Variants in AOAH observed in about 807,000 individuals in gnomAD.
AOAH encodes acyloxyacyl hydrolase (neutrophil).
A neutral mutation model predicts 92.2 loss-of-function variants in AOAH; 64 were observed. That is an observed-to-expected ratio of 0.69 (90% CI 0.57 to 0.86). The LOEUF (loss-of-function observed/expected upper bound fraction) is 0.86. Among genes scored for constraint, AOAH ranks in the 40% least tolerant of loss-of-function variants. The pLI is 0.00. For synonymous variants in AOAH, 263 were observed against 254.5 expected, an observed-to-expected ratio of 1.03 and a Z score of -0.32; for missense variants, 656 against 694.6, an observed-to-expected ratio of 0.94 and a Z score of 0.62.
intron 11 of AOAH, among the ~76,000 whole-genome samples, chr7:36,613,177 C>T (rs1262231556): frequency 2.6e-5 from 4 of 152,168 alleles, no homozygotes; most frequent in Non-Finnish European, 4.4e-5. Context: ...CATGTGAGAA[C>T]AATAGCTTGC....
At chr7:36,684,613 C>T (rs757148226) in intron 2 of AOAH, among the ~76,000 whole-genome samples, 28 of 151,910 alleles carry the variant, frequency 1.8e-4, no homozygotes, top group African/African-American at 3.9e-4. Flanking sequence ...TCGACAGCTG[C>T]GACCATCACC....
intron 3 of AOAH, among the ~76,000 whole-genome samples, chr7:36,659,517 C>G (rs1298233129): frequency 1.3e-5 from 2 of 152,166 alleles, no homozygotes; most frequent in Non-Finnish European, 2.9e-5. Context: ...TGCCAGTCAG[C>G]CTCTCACGCG....
intron 19 of AOAH, among the ~76,000 whole-genome samples, chr7:36,524,048 G>A (rs1784256063): frequency 6.6e-6 from 1 of 151,948 alleles, no homozygotes; most frequent in Non-Finnish European, 1.5e-5. Flanking sequence ...CATCCCCTCC[G>A]TGACTTCAGA....
intron 4 of AOAH, among the ~76,000 whole-genome samples, chr7:36,654,440 C>G (rs546494529): frequency 6.6e-6 from 1 of 152,224 alleles, no homozygotes; most frequent in South Asian, 2.1e-4. Flanking sequence ...TCCACAGGAC[C>G]GGCAAGAAGT....
chr7:36,580,238 T>G (rs1287260235), intron 12 of AOAH, among the ~76,000 whole-genome samples: 1 of 152,230 alleles, frequency 6.6e-6, no homozygotes, highest in East Asian at 1.9e-4. Flanking sequence ...ACCGGTCTTG[T>G]AATTTTCCCT....
intron 2 of AOAH, among the ~76,000 whole-genome samples, chr7:36,676,117 A>G (rs1562685421): frequency 1.3e-5 from 2 of 152,196 alleles, no homozygotes; most frequent in Non-Finnish European, 2.9e-5. Context: ...TCTAGCCAGG[A>G]GAATGAGGCA....
At chr7:36,628,142 G>A (rs534239272) in intron 6 of AOAH, among the ~76,000 whole-genome samples, 12 of 152,282 alleles carry the variant, frequency 7.9e-5, no homozygotes, top group Admixed American at 5.9e-4. Context: ...AAGTAGCAGG[G>A]TATGGGGAAG....
chr7:36,517,156 G>GTCTTTTTCTTTCTTTCTTTCTTTCTT (rs1554360833), intron 20 of AOAH, among the ~76,000 whole-genome samples: 10 of 95,500 alleles, frequency 1.0e-4, no homozygotes, highest in Admixed American at 7.8e-4. Flanking sequence ...ATCCATGTTA[G>GTCTTTTTCTTTCTTTCTTTCTTTCTT]TCTTTCTTTC....
chr7:36,548,464 G>C (rs1785950620), intron 15 of AOAH, 148 bp downstream of exon 15: 1 of 606,908 alleles, frequency 1.6e-6, no homozygotes, highest in Non-Finnish European at 2.9e-6. Flanking sequence ...GGGATTATAG[G>C]TGTGAGCCCC....
chr7:36,567,717 G>A (rs1250435734), intron 13 of AOAH, among the ~76,000 whole-genome samples: 1 of 152,162 alleles, frequency 6.6e-6, no homozygotes, highest in Non-Finnish European at 1.5e-5. Flanking sequence ...TTGGAGTAAG[G>A]CCCGAATAGT....
intron 1 of AOAH, among the ~76,000 whole-genome samples, chr7:36,716,970 TAATAAATA>T (rs200867596): frequency 0.3 from 43,226 of 142,622 alleles, 6,754 homozygotes; most frequent in East Asian, 0.44. Context: ...ACTTAAAGTA[TAATAAATA>T]AATAAATAAA....
chr7:36,703,080 A>G (rs1798129017), intron 1 of AOAH, among the ~76,000 whole-genome samples: 1 of 152,126 alleles, frequency 6.6e-6, no homozygotes, highest in African/African-American at 2.4e-5. Context: ...TTCCTCATCC[A>G]TTTAGATTTT....
At chr7:36,540,257 T>G (rs566111305) in intron 16 of AOAH, 62 bp downstream of exon 16, 16 of 1,430,854 alleles carry the variant, frequency 1.1e-5, no homozygotes, top group African/African-American at 1.4e-5. Flanking sequence ...TTGAACCATA[T>G]ATACATTGAA....
intron 8 of AOAH, 137 bp from the exon 9 acceptor site, chr7:36,620,966 A>C (rs1792237646): frequency 2.7e-6 from 2 of 747,412 alleles, no homozygotes; most frequent in Non-Finnish European, 4.5e-6. Flanking sequence ...TCTTCATGGA[A>C]TAGCATCACA....
intron 3 of AOAH, chr7:36,661,069 T>G (rs1795189685): frequency 6.6e-6 from 1 of 152,202 alleles, no homozygotes; most frequent in Non-Finnish European, 1.5e-5. Flanking sequence ...GGGACAGTGA[T>G]GGAGTCTAGA....
At chr7:36,533,177 C>A (rs772647528) in intron 16 of AOAH, among the ~76,000 whole-genome samples, 1 of 151,942 alleles carries the variant, frequency 6.6e-6, no homozygotes, top group African/African-American at 2.4e-5. Context: ...ATATCCACCC[C>A]GCTGAAGCAA....
chr7:36,717,354 T>C (rs1462818419), intron 1 of AOAH, among the ~76,000 whole-genome samples: 1 of 152,060 alleles, frequency 6.6e-6, no homozygotes, highest in Non-Finnish European at 1.5e-5. Context: ...GGCAGCCATC[T>C]CTGTATTTTG....
chr7:36,689,658 C>T (rs551319339), intron 1 of AOAH, among the ~76,000 whole-genome samples: 5 of 152,152 alleles, frequency 3.3e-5, no homozygotes, highest in African/African-American at 1.2e-4. Flanking sequence ...TTTGGAGAGA[C>T]CATAACAGGC....
intron 6 of AOAH, among the ~76,000 whole-genome samples, chr7:36,631,191 C>T (rs890099995): frequency 2.0e-5 from 3 of 151,856 alleles, no homozygotes; most frequent in Non-Finnish European, 2.9e-5. Context: ...ACTAAAAATA[C>T]AAAAAATTAG....
Sources: allele counts gnomAD v4.1 joint callset (sites outside exome capture counted in the v4.1 genomes callset), GRCh38; gene constraint gnomAD v4.1.1; transcripts MANE v1.5; gene names NCBI Gene and HGNC (gene_info 2026-07-23, HGNC 2026-07-21).